Variants in CORIN observed in about 807,000 individuals in gnomAD.
The protein encoded by CORIN is atrial natriuretic peptide-converting enzyme.
In CORIN, 117 loss-of-function variants were observed where a neutral mutation model predicts 125.3. That is an observed-to-expected ratio of 0.93 (90% CI 0.80 to 1.09). The LOEUF (loss-of-function observed/expected upper bound fraction) is 1.09, where lower values mean the gene tolerates loss of function less well. Among genes scored for constraint, CORIN ranks in the 50% least tolerant of loss-of-function variants. The probability of loss-of-function intolerance (pLI) is 0.00; values close to 1 mark genes in which losing one functional copy is unlikely to be tolerated. For missense variants in CORIN, 1,253 were observed against 1,306.7 expected, an observed-to-expected ratio of 0.96 and a Z score of 0.63; for synonymous variants, 450 against 466.4, an observed-to-expected ratio of 0.96 and a Z score of 0.45.
intron 5 of CORIN, among the ~76,000 whole-genome samples, chr4:47,738,309 TGACTCTGCTATAGTGTC>T (rs1431773649): frequency 6.6e-6 from 1 of 152,196 alleles, no homozygotes; most frequent in Admixed American, 6.5e-5. Flanking sequence ...GCTATAGCAT[TGACTCTGCTATAGTGTC>T]GACTCTGCTA....
At chr4:47,628,733 G>A (rs753347554) in intron 16 of CORIN, among the ~76,000 whole-genome samples, 2 of 151,962 alleles carry the variant, frequency 1.3e-5, no homozygotes, top group Non-Finnish European at 2.9e-5. Context: ...TCTGTGCTTG[G>A]CGTATTTCAC....
At chr4:47,795,972 G>A (rs371258126) in intron 2 of CORIN, among the ~76,000 whole-genome samples, 35 of 152,116 alleles carry the variant, frequency 2.3e-4, no homozygotes, top group African/African-American at 8.2e-4. Context: ...AACAGATGTT[G>A]GTGATAATGT....
intron 6 of CORIN, among the ~76,000 whole-genome samples, chr4:47,685,170 T>C (rs558457404): frequency 1.3e-5 from 2 of 152,240 alleles, no homozygotes; most frequent in South Asian, 4.1e-4. Context: ...CTCTTAGGAA[T>C]CTACCCAAGA....
intron 10 of CORIN, among the ~76,000 whole-genome samples, chr4:47,670,903 G>C (rs1441128304): frequency 6.6e-6 from 1 of 152,194 alleles, no homozygotes; most frequent in Non-Finnish European, 1.5e-5. Flanking sequence ...TGGCAACACA[G>C]GCTGCTAAAA....
At chr4:47,622,201 A>T (rs556220157) in intron 19 of CORIN, among the ~76,000 whole-genome samples, 1 of 152,122 alleles carries the variant, frequency 6.6e-6, no homozygotes, top group East Asian at 1.9e-4. Flanking sequence ...ATGGCTGCAT[A>T]GTATTCTATG....
intron 16 of CORIN, among the ~76,000 whole-genome samples, chr4:47,640,722 A>G (rs1161789276): frequency 6.6e-6 from 1 of 152,214 alleles, no homozygotes; most frequent in Non-Finnish European, 1.5e-5. Flanking sequence ...TAAAAACAGG[A>G]ACCTTTCTAT....
chr4:47,616,550 T>A (rs1420744450), intron 19 of CORIN, among the ~76,000 whole-genome samples: 2 of 152,126 alleles, frequency 1.3e-5, no homozygotes, highest in East Asian at 3.8e-4. Flanking sequence ...TCAAGAAGGA[T>A]GTAGTGATAA....
chr4:47,602,631 A>G (rs1721490782), intron 20 of CORIN, among the ~76,000 whole-genome samples: 1 of 152,138 alleles, frequency 6.6e-6, no homozygotes, highest in Admixed American at 6.5e-5. Context: ...GTTCAGTGAC[A>G]GGTCTCCTCC....
chr4:47,771,695 T>C (rs920162285), intron 3 of CORIN, among the ~76,000 whole-genome samples: 1 of 152,202 alleles, frequency 6.6e-6, no homozygotes, highest in African/African-American at 2.4e-5. Flanking sequence ...CATGTGGTAT[T>C]TGGTTTTCTA....
At chr4:47,728,397 T>C (rs919119533) in intron 5 of CORIN, among the ~76,000 whole-genome samples, 6 of 152,190 alleles carry the variant, frequency 3.9e-5, no homozygotes, top group African/African-American at 9.6e-5. Context: ...TAAGCTAATA[T>C]TTCTGCTATG....
chr4:47,799,535 ATGTT>A (rs1304943438), intron 2 of CORIN, among the ~76,000 whole-genome samples: 2 of 151,960 alleles, frequency 1.3e-5, no homozygotes, highest in South Asian at 2.1e-4. Flanking sequence ...ATTTTTTCAT[ATGTT>A]TGTTGGACAC....
At chr4:47,653,110 C>T (rs971373315) in intron 13 of CORIN, among the ~76,000 whole-genome samples, 2 of 152,108 alleles carry the variant, frequency 1.3e-5, no homozygotes, top group East Asian at 1.9e-4. Flanking sequence ...AGAGAGAAAC[C>T]GCATTCTCAT....
intron 5 of CORIN, among the ~76,000 whole-genome samples, chr4:47,741,549 T>C (rs1275493556): frequency 6.6e-6 from 1 of 152,070 alleles, no homozygotes; most frequent in Non-Finnish European, 1.5e-5. Context: ...CCTAGGTATA[T>C]AGCTGAGAGA....
At chr4:47,708,000 G>C (rs1051965042) in intron 5 of CORIN, among the ~76,000 whole-genome samples, 3 of 152,196 alleles carry the variant, frequency 2.0e-5, no homozygotes, top group Non-Finnish European at 2.9e-5. Flanking sequence ...TAACCTCGTT[G>C]ACTAGAGGAT....
intron 1 of CORIN, among the ~76,000 whole-genome samples, chr4:47,811,197 T>G (rs535367668): frequency 6.6e-6 from 1 of 152,264 alleles, no homozygotes; most frequent in African/African-American, 2.4e-5. Context: ...AGAGGCTGTA[T>G]TATCTTTGCA....
At chr4:47,688,106 A>G (rs1168427923) in intron 6 of CORIN, among the ~76,000 whole-genome samples, 3 of 152,166 alleles carry the variant, frequency 2.0e-5, no homozygotes, top group Non-Finnish European at 4.4e-5. Flanking sequence ...ATTGAAAATC[A>G]TGTTGCACAG....
At chr4:47,637,481 T>C (rs1723071347) in intron 16 of CORIN, among the ~76,000 whole-genome samples, 2 of 152,214 alleles carry the variant, frequency 1.3e-5, no homozygotes, top group South Asian at 4.1e-4. Context: ...AGTGGTTTCA[T>C]GGGCTGGGAC....
chr4:47,837,803 G>A, intron 1 of CORIN, 84 bp downstream of exon 1: 1 of 1,205,490 alleles, frequency 8.3e-7, no homozygotes, highest in Non-Finnish European at 1.2e-6. Context: ...AGAGGACGGG[G>A]GCGGGAGGGG....
Position 47,800,666 on chromosome 4 carries a change from T to C in CORIN, c.208+6237A>G, listed in dbSNP as rs564990934. On this transcript the variant is annotated intron_variant, in intron 2 of 21. Coordinates refer to ENST00000273857, the MANE Select transcript of CORIN (RefSeq NM_006587.4). ...AGAGACGAGTTTCAGGACGGTTTAC[T>C]GTCTTAGCCTGAGAGCAGGCCACAG... Among the ~76,000 whole-genome samples the C allele has an allele frequency of 2.0e-5, 3 of 152,292 alleles. No homozygotes were observed. The East Asian group carries it at 5.8e-4, about 29-fold the overall frequency.
Sources: allele counts gnomAD v4.1 joint callset (sites outside exome capture counted in the v4.1 genomes callset), GRCh38; gene constraint gnomAD v4.1.1; transcripts MANE v1.5; gene names NCBI Gene and HGNC (gene_info 2026-07-23, HGNC 2026-07-21).